Variants in ZNF558 observed in about 807,000 individuals in gnomAD.
ZNF558 encodes the protein zinc finger protein 558.
In ZNF558, 23 loss-of-function variants were observed where a neutral mutation model predicts 37.6. The ratio of observed to expected loss-of-function variants is 0.61; its 90% CI spans 0.44 to 0.87. The LOEUF (loss-of-function observed/expected upper bound fraction) is 0.87, where lower values mean the gene tolerates loss of function less well. Ranked by LOEUF, ZNF558 falls within the 40% of genes least tolerant of loss-of-function variation. The pLI, the probability that ZNF558 is intolerant of heterozygous loss-of-function variation, is 0.00. For synonymous variants in ZNF558, 189 were observed against 174.4 expected, an observed-to-expected ratio of 1.08 and a Z score of -0.66; for missense variants, 429 against 483.7, an observed-to-expected ratio of 0.89 and a Z score of 1.06.
upstream of ZNF558, among the ~76,000 whole-genome samples, chr19:8,834,089 T>G (rs559757328): frequency 6.6e-6 from 1 of 152,292 alleles, no homozygotes; most frequent in African/African-American, 2.4e-5. Flanking sequence ...ACATTTAAAA[T>G]CAGCCAGGAA....
At chr19:8,813,067 AC>A (rs1321083327) in intron 8 of ZNF558, 59 bp downstream of exon 8, 8 of 1,354,694 alleles carry the variant, frequency 5.9e-6, no homozygotes, top group South Asian at 1.3e-5. Flanking sequence ...AATACTCCCA[AC>A]CCCCAAGTCA....
intron 6 of ZNF558, 114 bp from the exon 7 acceptor site, chr19:8,821,420 G>C (rs2880020): frequency 4.3e-5 from 68 of 1,594,036 alleles, no homozygotes; most frequent in Non-Finnish European, 4.6e-5. Context: ...CGAGATGTTG[G>C]GGGGGGTGGT....
intron 7 of ZNF558, among the ~76,000 whole-genome samples, chr19:8,819,866 G>A (rs559143190): frequency 1.4e-3 from 212 of 152,206 alleles, no homozygotes; most frequent in Middle Eastern, 3.4e-3. Context: ...ACTTGAACCC[G>A]GAAGGCAGAG....
chr19:8,818,108 A>G (rs185897746), intron 7 of ZNF558, among the ~76,000 whole-genome samples: 3 of 152,340 alleles, frequency 2.0e-5, no homozygotes, highest in Admixed American at 2.0e-4. Flanking sequence ...AAATTAAAAA[A>G]CAATGAACTC....
At chr19:8,833,336 T>TG (rs1423735248), upstream of ZNF558, 3 of 152,208 alleles carry the variant, frequency 2.0e-5, no homozygotes, top group African/African-American at 7.2e-5. Flanking sequence ...AGGAGAGGAC[T>TG]GGGTCATAGA....
chr19:8,814,802 A>G (rs1201847189), intron 7 of ZNF558, among the ~76,000 whole-genome samples: 1 of 152,326 alleles, frequency 6.6e-6, no homozygotes, highest in South Asian at 2.1e-4. Flanking sequence ...ATCAGAAAAG[A>G]GACTTCGGTG....
rs188974106 is a variant in ZNF558 at position 8,807,567 on chromosome 19, T to A, written c.*3714A>T. 2 of 152,238 alleles carry A rather than the reference T, an allele frequency of 1.3e-5. No individual in the cohort carries two copies. The highest frequency in any genetic ancestry group is 1.3e-4 in the Admixed American group (2 of 15,276). The allele number at this position is 152,238 out of a possible 1,614,324, so 9.4% of individuals were successfully genotyped here. ...ACCCCTTTGTTCCACTCCAGCTGTA[T>A]TGGCCTCCTTGTTGTGGGCCTTTGC... is the stretch of plus-strand genomic sequence containing the variant. On this transcript the variant is annotated 3_prime_UTR_variant, in exon 10 of 10. Transcript: ENST00000601372.
rs1382428819 is a variant in ZNF558, at chr19:8,811,214, GCT to G, written c.*65_*66del. ...CAAATAACTTATATATCCAGTGTGAGCTCTCTCAAACTATCTTAGGGATGAAA... is the reference window on the plus strand; with the variant it reads ...CAAATAACTTATATATCCAGTGTGAGCTCTCAAACTATCTTAGGGATGAAA... On this transcript the variant is annotated 3_prime_UTR_variant, in exon 10 of 10. Coordinates refer to ENST00000601372, the MANE Select transcript of ZNF558 (RefSeq NM_144693.3). 3.4e-6 allele frequency: 5 copies of G among 1,465,048 alleles called. No homozygotes were observed. The African/African-American group carries it at 4.3e-5, about 12-fold the overall frequency. 90.8% of individuals were successfully genotyped at this position (1,465,048 alleles called of 1,614,324 possible). A position where few individuals can be genotyped will look rare whatever the true frequency, so the allele number is the denominator to read the frequency against.
chr19:8,816,513 T>A (rs1323537130), intron 7 of ZNF558, among the ~76,000 whole-genome samples: 1 of 152,176 alleles, frequency 6.6e-6, no homozygotes, highest in African/African-American at 2.4e-5. Flanking sequence ...GCTGGAGTGG[T>A]ACATTCAAAG....
At chr19:8,821,933 G>A (rs771978227) in intron 6 of ZNF558, 70 bp downstream of exon 6, 4 of 1,595,122 alleles carry the variant, frequency 2.5e-6, no homozygotes, top group East Asian at 2.3e-5. Flanking sequence ...GCTCCAGGCT[G>A]CTGGAAGGTA....
intron 2 of ZNF558, among the ~76,000 whole-genome samples, chr19:8,829,242 A>T (rs532542243): frequency 6.6e-6 from 1 of 151,806 alleles, no homozygotes; most frequent in East Asian, 1.9e-4. Flanking sequence ...CCTGGGTAAC[A>T]GAGTGAGACT....
Position 8,810,908 on chromosome 19 carries a change from G to A in ZNF558, c.*373C>T. The stretch of plus-strand genomic sequence containing the variant: ...TTGTCAAGGAGCTGGGCCTTGTAAA[G>A]AGGCCTACATGGTAATGACTGAAGG... On this transcript the variant is annotated 3_prime_UTR_variant, in exon 10 of 10. Coordinates refer to ENST00000601372, the MANE Select transcript of ZNF558 (RefSeq NM_144693.3). 5.7e-6 allele frequency: 1 copy of A among 174,230 alleles called. No homozygotes were observed. The highest frequency in any genetic ancestry group is 1.7e-4 in the East Asian group (1 of 5,992). 10.8% of individuals were successfully genotyped at this position (174,230 alleles called of 1,614,324 possible).
chr19:8,818,486 A>G (rs1339279647), intron 7 of ZNF558, among the ~76,000 whole-genome samples: 4 of 152,178 alleles, frequency 2.6e-5, no homozygotes, highest in Non-Finnish European at 5.9e-5. Flanking sequence ...GGAAGCCTTA[A>G]TATTGTTAAG....
At chr19:8,829,909 T>A (rs1445019329) in intron 2 of ZNF558, among the ~76,000 whole-genome samples, 1 of 152,194 alleles carries the variant, frequency 6.6e-6, no homozygotes, top group African/African-American at 2.4e-5. Context: ...GCAATATGAA[T>A]CACCATACTG....
rs2145178273 is a variant in ZNF558, at chr19:8,811,401, C to T, written c.1089G>A (p.Val363=). ...CAGTGTGAGTTCTTAAGTGTTTCTT[C>T]ACAGCTGAGAGATTATTAAAGGCTT... ...CGKAFNNLSA[V]KKHLRTHTGE... Residue 363 remains valine (V), a synonymous_variant, in exon 10 of 10, where the codon GTG becomes GTA. Coordinates refer to ENST00000601372, the MANE Select transcript of ZNF558 (RefSeq NM_144693.3). 6.2e-7 allele frequency: 1 copy of T among 1,613,392 alleles called. No homozygotes were observed. The highest frequency in any genetic ancestry group is 2.2e-5 in the East Asian group (1 of 44,790).
intron 3 of ZNF558, among the ~76,000 whole-genome samples, chr19:8,824,778 C>T (rs2044193076): frequency 6.6e-6 from 1 of 152,134 alleles, no homozygotes; most frequent in Admixed American, 6.6e-5. Context: ...GCTGCTAGAC[C>T]CTTCCTCATG....
At chr19:8,825,955 C>T (rs1411364261) in intron 2 of ZNF558, among the ~76,000 whole-genome samples, 1 of 151,940 alleles carries the variant, frequency 6.6e-6, no homozygotes, top group African/African-American at 2.4e-5. Flanking sequence ...TACAGGGGTC[C>T]TTATAAAAGG....
chr19:8,821,307 C>G lies in ZNF558; in HGVS notation c.121-1G>C, dbSNP rs774546329. 1.9e-6 allele frequency: 3 copies of G among 1,614,040 alleles called. No individual in the cohort carries two copies. In the East Asian group the frequency reaches 6.7e-5, roughly 36 times the overall value. On this transcript the variant is annotated splice_acceptor_variant, in intron 6 of 9. Coordinates refer to ENST00000601372, the MANE Select transcript of ZNF558 (RefSeq NM_144693.3). LOFTEE classifies it high-confidence loss of function. ...CCACATCCTCGAAGGTTACCAAGCC[C>G]TAAAGCATTGCAAACATCACGGCTT...
In ZNF558 at chr19:8,806,656, GCCACTGCA is replaced by G. The variant is rs2043706413; in HGVS notation, c.*4617_*4624del. 6.9e-6 allele frequency: 1 copy of G among 145,682 alleles called. No homozygotes were observed. The highest frequency in any genetic ancestry group is 2.2e-4 in the South Asian group (1 of 4,628). The allele number at this position is 145,682 out of a possible 1,614,324, so 9.0% of individuals were successfully genotyped here. On this transcript the variant is annotated 3_prime_UTR_variant, in exon 10 of 10. Transcript: ENST00000601372. ...GGAGGTTGCAGTGAGCCGAGATCAT[GCCACTGCA>G]CTCCAGCATGGCGACAGAGTGAGAC...
Sources: allele counts gnomAD v4.1 joint callset (sites outside exome capture counted in the v4.1 genomes callset), GRCh38; gene constraint gnomAD v4.1.1; transcripts MANE v1.5; gene names NCBI Gene and HGNC (gene_info 2026-07-23, HGNC 2026-07-21).